The following ARHGEF26 variants were observed in gnomAD, a reference collection of about 807,000 sequenced individuals.
ARHGEF26 encodes Rho guanine nucleotide exchange factor (GEF) 26.
A neutral mutation model predicts 89.4 loss-of-function variants in ARHGEF26; 59 were observed. The ratio of observed to expected loss-of-function variants is 0.66; its 90% CI spans 0.54 to 0.82. The LOEUF is 0.82. Ranked by LOEUF, ARHGEF26 falls within the 40% of genes least tolerant of loss-of-function variation. The pLI is 0.00. For missense variants in ARHGEF26, 1,234 were observed against 1,085.6 expected (o/e 1.14, Z -1.92); for synonymous variants, 500 against 428.4 (o/e 1.17, Z -2.06).
At chr3:154,132,942 G>A (rs1718777757) in intron 4 of ARHGEF26, among the ~76,000 whole-genome samples, 1 of 152,094 alleles carries the variant, frequency 6.6e-6, no homozygotes, top group South Asian at 2.1e-4. Context: ...CTGGCAGTGG[G>A]TTAGGTCTCA....
In ARHGEF26 at chr3:154,194,669, A is replaced by G. The variant is rs765915422; in HGVS notation, c.1796A>G (p.Asp599Gly). The G allele has an allele frequency of 6.2e-7, 1 of 1,612,434 alleles. No individual in the cohort carries two copies. The highest frequency in any genetic ancestry group is 8.5e-7 in the Non-Finnish European group (1 of 1,179,356). ...ACTATCTGTCAAAAAACACCTAAGG[A>G]CTCTCCGAAGTATGAAGTCTGCAAA... ...MDTICQKTPK[D>G]SPKYEVCKRA... Residue 599 changes from aspartate (D) to glycine (G), a missense_variant, in exon 9 of 15, where the codon GAC (aspartate) becomes GGC (glycine). Asp to Gly is a moderately conservative substitution (Grantham distance 94). Coordinates refer to ENST00000465093, the MANE Select transcript of ARHGEF26 (RefSeq NM_015595.4).
chr3:154,186,512 A>G (rs1713562878), intron 6 of ARHGEF26, among the ~76,000 whole-genome samples: 1 of 152,020 alleles, frequency 6.6e-6, no homozygotes, highest in Admixed American at 6.6e-5. Flanking sequence ...TGTAATCCCA[A>G]CACTTCGGGA....
chr3:154,250,886 G>A (rs1364861696), intron 12 of ARHGEF26, among the ~76,000 whole-genome samples: 1 of 152,142 alleles, frequency 6.6e-6, no homozygotes, highest in African/African-American at 2.4e-5. Flanking sequence ...ACAAGTGTTT[G>A]CCTGGGAATT....
At chr3:154,204,299 G>T (rs116804025) in intron 9 of ARHGEF26, among the ~76,000 whole-genome samples, 1,565 of 147,778 alleles carry the variant, frequency 0.011, 20 homozygotes, top group African/African-American at 0.037. Context: ...TTTTGGGTTT[G>T]GTTGAGTTTC....
intron 9 of ARHGEF26, among the ~76,000 whole-genome samples, chr3:154,201,617 C>G (rs1423051353): frequency 4.0e-5 from 6 of 151,566 alleles, no homozygotes; most frequent in South Asian, 2.1e-4. Flanking sequence ...TACAGTCCCA[C>G]CAACAGTGTA....
intron 9 of ARHGEF26, among the ~76,000 whole-genome samples, chr3:154,211,393 TG>T (rs961162226): frequency 2.0e-5 from 3 of 152,058 alleles, no homozygotes; most frequent in Non-Finnish European, 2.9e-5. Context: ...CAGCTGAGTT[TG>T]GTCTTTTTTT....
chr3:154,223,975 G>A (rs78738456), intron 10 of ARHGEF26, among the ~76,000 whole-genome samples: 2 of 149,930 alleles, frequency 1.3e-5, no homozygotes, highest in Non-Finnish European at 1.5e-5. Context: ...CCAGGTAATA[G>A]AAAAAAAAAA....
chr3:154,154,408 C>T (rs957194085), intron 6 of ARHGEF26, among the ~76,000 whole-genome samples: 1 of 151,850 alleles, frequency 6.6e-6, no homozygotes, highest in Non-Finnish European at 1.5e-5. Context: ...AAATTTTTCT[C>T]TATAAAACTA....
In ARHGEF26 at chr3:154,122,739, G is replaced by T. The variant is rs1451166059; in HGVS notation, c.747G>T (p.Gln249His). The T allele has an allele frequency of 6.2e-7, 1 of 1,612,960 alleles. No individual in the cohort carries two copies. Among genetic ancestry groups the T allele is most frequent in the Non-Finnish European group, 8.5e-7 (1 of 1,179,416 alleles). ...SPAALKVGKQ[Q>H]IIPKSLASEI... is the part of the protein sequence containing the mutation. Reference sequence around the variant, plus strand: ...CCGCCCTCAAAGTGGGGAAGCAGCAGATCATTCCGAAGAGTCTGGCCTCGG... The same window carrying T: ...CCGCCCTCAAAGTGGGGAAGCAGCATATCATTCCGAAGAGTCTGGCCTCGG... Residue 249 changes from glutamine (Q) to histidine (H), a missense_variant, in exon 2 of 15, where the codon CAG becomes CAT. Transcript: ENST00000465093.
intron 6 of ARHGEF26, among the ~76,000 whole-genome samples, chr3:154,167,527 C>G (rs764116517): frequency 6.6e-6 from 1 of 152,154 alleles, no homozygotes; most frequent in Non-Finnish European, 1.5e-5. Flanking sequence ...AAATGCCATA[C>G]TAGTCACATG....
At chr3:154,147,557 G>A (rs1719774863) in intron 4 of ARHGEF26, among the ~76,000 whole-genome samples, 1 of 152,172 alleles carries the variant, frequency 6.6e-6, no homozygotes, top group Non-Finnish European at 1.5e-5. Flanking sequence ...GAAGAAATGG[G>A]ATAAATTTGA....
At chr3:154,123,538 T>A (rs987968796) in intron 2 of ARHGEF26, among the ~76,000 whole-genome samples, 1 of 152,226 alleles carries the variant, frequency 6.6e-6, no homozygotes, top group Non-Finnish European at 1.5e-5. Flanking sequence ...TATTTTTTGC[T>A]TTTACTTACT....
intron 6 of ARHGEF26, among the ~76,000 whole-genome samples, chr3:154,177,258 A>G (rs1712879982): frequency 6.6e-6 from 1 of 152,216 alleles, no homozygotes; most frequent in South Asian, 2.1e-4. Flanking sequence ...GTCAAATGCC[A>G]GGTAAGATTT....
At chr3:154,215,403 T>G (rs1459528490) in intron 9 of ARHGEF26, among the ~76,000 whole-genome samples, 7 of 152,134 alleles carry the variant, frequency 4.6e-5, no homozygotes, top group Non-Finnish European at 8.8e-5. Flanking sequence ...TGTGATTTTT[T>G]TTTTTTTGCC....
chr3:154,169,184 G>A (rs1177448561), intron 6 of ARHGEF26, among the ~76,000 whole-genome samples: 1 of 152,124 alleles, frequency 6.6e-6, no homozygotes, highest in African/African-American at 2.4e-5. Flanking sequence ...AGATTAGCCT[G>A]CCAGTATTGA....
chr3:154,125,990 C>G (rs1353524382), intron 3 of ARHGEF26, among the ~76,000 whole-genome samples: 2 of 152,112 alleles, frequency 1.3e-5, no homozygotes, highest in African/African-American at 4.8e-5. Flanking sequence ...CCTCACTGAG[C>G]CACCTCATGT....
intron 4 of ARHGEF26, among the ~76,000 whole-genome samples, chr3:154,144,863 T>A (rs1420097781): frequency 6.6e-6 from 1 of 152,222 alleles, no homozygotes; most frequent in Non-Finnish European, 1.5e-5. Flanking sequence ...TTAATTTGGA[T>A]GTCACTGGCA....
At chr3:154,239,388 C>A (rs576271020) in intron 11 of ARHGEF26, among the ~76,000 whole-genome samples, 1 of 149,432 alleles carries the variant, frequency 6.7e-6, no homozygotes, top group South Asian at 2.1e-4. Flanking sequence ...CAGTGAAACT[C>A]AAGGGAGAGG....
chr3:154,217,643 CTT>C (rs1437045425), intron 9 of ARHGEF26, among the ~76,000 whole-genome samples: 1 of 152,196 alleles, frequency 6.6e-6, no homozygotes, highest in Non-Finnish European at 1.5e-5. Flanking sequence ...AGGGTTGCAG[CTT>C]TCCCTGAGAT....
Sources: allele counts gnomAD v4.1 joint callset (sites outside exome capture counted in the v4.1 genomes callset), GRCh38; gene constraint gnomAD v4.1.1; transcripts MANE v1.5; gene names NCBI Gene and HGNC (gene_info 2026-07-23, HGNC 2026-07-21).